The following RAPGEF6 variants were observed in gnomAD, a reference collection of about 807,000 sequenced individuals.
The protein encoded by RAPGEF6 is Rap guanine nucleotide exchange factor 6.
A neutral mutation model predicts 171.4 loss-of-function variants in RAPGEF6; 56 were observed. The observed-to-expected ratio is 0.33, with a 90% confidence interval of 0.26 to 0.41. RAPGEF6 has a LOEUF of 0.41. Among genes scored for constraint, RAPGEF6 ranks in the 10% least tolerant of loss-of-function variants. The probability of loss-of-function intolerance (pLI) is 1.00; values close to 1 mark genes in which losing one functional copy is unlikely to be tolerated. For missense variants in RAPGEF6, 1,674 were observed against 1,921.4 expected, an observed-to-expected ratio of 0.87 and a Z score of 2.41; for synonymous variants, 692 against 650.1, an observed-to-expected ratio of 1.06 and a Z score of -0.98.
intron 3 of RAPGEF6, among the ~76,000 whole-genome samples, chr5:131,595,148 C>T (rs1763817932): frequency 6.6e-6 from 1 of 152,138 alleles, no homozygotes; most frequent in African/African-American, 2.4e-5. Context: ...TTGTAATCCT[C>T]ATGTGTCAGG....
chr5:131,452,037 G>T (rs1010352966), intron 21 of RAPGEF6, among the ~76,000 whole-genome samples: 2 of 152,048 alleles, frequency 1.3e-5, no homozygotes, highest in African/African-American at 4.8e-5. Flanking sequence ...TCGAGACCAC[G>T]GTGAAACCTT....
At position 131,528,329 on chromosome 5, in the gene RAPGEF6, A is replaced by AT. The variant is rs1488945038; in HGVS notation, c.496-6809dup. On this transcript the variant is annotated intron_variant, in intron 6 of 27. Coordinates refer to ENST00000509018, the MANE Select transcript of RAPGEF6 (RefSeq NM_016340.6). ...ATATTTATATTATATATATATATAT[A>AT]TATATATATACACACACACACACAT... is the stretch of plus-strand genomic sequence containing the variant. Among the ~76,000 whole-genome samples, 15 of 106,704 alleles carry AT rather than the reference A, an allele frequency of 1.4e-4. 2 individuals carry two copies. Among genetic ancestry groups the AT allele is most frequent in the Admixed American group, 4.3e-4 (4 of 9,364 alleles). The allele number at this position is 106,704 out of a possible 152,430, so 70.0% of individuals were successfully genotyped here.
Position 131,429,233 on chromosome 5 carries a change from G to T in RAPGEF6, c.4466-17C>A, listed in dbSNP as rs747153265. The T allele has an allele frequency of 6.7e-7, 1 of 1,491,402 alleles. No homozygotes were observed. Among genetic ancestry groups the T allele is most frequent in the Non-Finnish European group, 9.0e-7 (1 of 1,107,652 alleles). The allele number at this position is 1,491,402 out of a possible 1,614,324, so 92.4% of individuals were successfully genotyped here. On this transcript the variant is annotated splice_polypyrimidine_tract_variant and intron_variant, in intron 26 of 27. Coordinates refer to ENST00000509018, the MANE Select transcript of RAPGEF6 (RefSeq NM_016340.6). ...CACAGTACACTGGCATGAAAAATAA[G>T]CAATGAAAATGTTAATGAAAAAGAA... is the stretch of plus-strand genomic sequence containing the variant.
chr5:131,536,775 C>A (rs961490495), intron 6 of RAPGEF6, among the ~76,000 whole-genome samples: 1 of 152,132 alleles, frequency 6.6e-6, no homozygotes, highest in Non-Finnish European at 1.5e-5. Context: ...CAAAAGGATA[C>A]ATTTTGTATA....
intron 6 of RAPGEF6, among the ~76,000 whole-genome samples, chr5:131,546,580 G>T (rs1391643302): frequency 3.3e-5 from 5 of 151,590 alleles, no homozygotes; most frequent in Non-Finnish European, 7.4e-5. Context: ...CTCCAGCCTG[G>T]GCAAGAGAGC....
intron 4 of RAPGEF6, among the ~76,000 whole-genome samples, chr5:131,568,327 ATT>A (rs1194393172): frequency 1.1e-5 from 1 of 91,988 alleles, no homozygotes; most frequent in Admixed American, 1.2e-4. Context: ...TTTAAATGTT[ATT>A]TTTGTTATTT....
chr5:131,490,898 TAACTC>T (rs908334953), intron 14 of RAPGEF6, among the ~76,000 whole-genome samples: 16 of 152,312 alleles, frequency 1.1e-4, no homozygotes, highest in East Asian at 3.9e-4. Context: ...TTATGAAACT[TAACTC>T]AAACATCAAA....
intron 3 of RAPGEF6, among the ~76,000 whole-genome samples, chr5:131,596,577 A>G (rs983624882): frequency 6.6e-6 from 1 of 152,126 alleles, no homozygotes; most frequent in Non-Finnish European, 1.5e-5. Context: ...CCAAAAAAGC[A>G]TGGTACTGAC....
chr5:131,544,776 G>A (rs549100407), intron 6 of RAPGEF6, among the ~76,000 whole-genome samples: 177 of 152,246 alleles, frequency 1.2e-3, no homozygotes, highest in East Asian at 8.9e-3. Flanking sequence ...TCCACCTTCC[G>A]GGTTCAAGTG....
intron 3 of RAPGEF6, among the ~76,000 whole-genome samples, chr5:131,601,268 C>A (rs1175535450): frequency 1.3e-5 from 2 of 151,400 alleles, no homozygotes; most frequent in East Asian, 3.9e-4. Context: ...GCCTGTAATC[C>A]CAGCTACTCG....
chr5:131,517,205 C>G (rs1758146041), intron 7 of RAPGEF6, among the ~76,000 whole-genome samples: 1 of 152,152 alleles, frequency 6.6e-6, no homozygotes, highest in Non-Finnish European at 1.5e-5. Context: ...GAACCCCAAA[C>G]ACTCAGCACC....
chr5:131,603,344 T>A lies in RAPGEF6; in HGVS notation c.141-17A>T, dbSNP rs181996431. 2.4e-3 allele frequency: 3,313 copies of A among 1,400,302 alleles called. 5 individuals are homozygous for A. Among genetic ancestry groups the A allele is most frequent in the Non-Finnish European group, 3.0e-3 (3,084 of 1,024,560 alleles). The allele number at this position is 1,400,302 out of a possible 1,614,324, so 86.7% of individuals were successfully genotyped here. On this transcript the variant is annotated splice_polypyrimidine_tract_variant and intron_variant, in intron 2 of 27. Coordinates refer to ENST00000509018, the MANE Select transcript of RAPGEF6 (RefSeq NM_016340.6). ...GACATTAATCTATTAAAAAAAAAAA[T>A]TGAAGATTTTATCTTACATTTTGTT...
chr5:131,600,586 AGAGGG>A lies in RAPGEF6; in HGVS notation c.197+2680_197+2684del, dbSNP rs1420804809. The stretch of plus-strand genomic sequence containing the variant: ...GGAGGGAGGGAAAAGAGAGGAGAGG[AGAGGG>A]GAGGGGAAGGGAGGGGAGAGAAGAG... On this transcript the variant is annotated intron_variant, in intron 3 of 27. Transcript: ENST00000509018. 5.5e-5 allele frequency among the ~76,000 whole-genome samples: 6 copies of A among 108,600 alleles called. No individual in the cohort carries two copies. The East Asian group carries it at 9.2e-4, about 17-fold the overall frequency. 71.2% of individuals were successfully genotyped at this position (108,600 alleles called of 152,430 possible).
chr5:131,433,797 A>G, intron 24 of RAPGEF6, 139 bp from the exon 25 acceptor site: 4 of 670,532 alleles, frequency 6.0e-6, no homozygotes, highest in South Asian at 5.9e-5. Flanking sequence ...CCATCTATGT[A>G]GATATAATGG....
intron 19 of RAPGEF6, among the ~76,000 whole-genome samples, chr5:131,457,796 A>T (rs915292235): frequency 6.6e-6 from 1 of 152,202 alleles, no homozygotes; most frequent in African/African-American, 2.4e-5. Flanking sequence ...ATACTGAGGG[A>T]CAATGGTATC....
At chr5:131,465,536 C>G (rs1754276449) in intron 17 of RAPGEF6, among the ~76,000 whole-genome samples, 1 of 152,070 alleles carries the variant, frequency 6.6e-6, no homozygotes, top group African/African-American at 2.4e-5. Context: ...AATCCCAGGA[C>G]TTTGGGAGGC....
chr5:131,481,463 C>G (rs1755476713), intron 15 of RAPGEF6, among the ~76,000 whole-genome samples: 1 of 152,016 alleles, frequency 6.6e-6, no homozygotes, highest in South Asian at 2.1e-4. Context: ...CTTCTAGGCT[C>G]AAGAGATCTG....
At chr5:131,458,773 C>G (rs1002960455) in intron 19 of RAPGEF6, among the ~76,000 whole-genome samples, 1 of 152,176 alleles carries the variant, frequency 6.6e-6, no homozygotes, top group Non-Finnish European at 1.5e-5. Context: ...CCTGCCTCAG[C>G]CTCCTGAGTA....
intron 4 of RAPGEF6, among the ~76,000 whole-genome samples, chr5:131,585,888 T>C (rs760816075): frequency 7.2e-5 from 11 of 152,110 alleles, no homozygotes; most frequent in Non-Finnish European, 1.6e-4. Flanking sequence ...GGAAGCCCCC[T>C]CTCTGTTTCA....
Sources: allele counts gnomAD v4.1 joint callset (sites outside exome capture counted in the v4.1 genomes callset), GRCh38; gene constraint gnomAD v4.1.1; transcripts MANE v1.5; gene names NCBI Gene and HGNC (gene_info 2026-07-23, HGNC 2026-07-21).